ANKRD11: variants seen among roughly 807,000 people sequenced by gnomAD.
The protein encoded by ANKRD11 is ankyrin repeat domain-containing protein 11.
ANKRD11 carries 17 observed loss-of-function variants against 195.7 expected under a neutral mutation model. The ratio of observed to expected loss-of-function variants is 0.09; its 90% CI spans 0.06 to 0.13. The LOEUF (loss-of-function observed/expected upper bound fraction) is 0.13, where lower values mean the gene tolerates loss of function less well. Ranked by LOEUF, ANKRD11 falls within the 10% of genes least tolerant of loss-of-function variation. The probability of loss-of-function intolerance (pLI) is 1.00; values close to 1 mark genes in which losing one functional copy is unlikely to be tolerated. For synonymous variants in ANKRD11, 1,953 were observed against 1,528.1 expected (o/e 1.28, Z -6.49); for missense variants, 3,735 against 3,566.1 (o/e 1.05, Z -1.21).
chr16:89,403,220 T>C (rs1471502467), intron 2 of ANKRD11, among the ~76,000 whole-genome samples: 2 of 152,192 alleles, frequency 1.3e-5, no homozygotes, highest in Non-Finnish European at 2.9e-5. Flanking sequence ...CCCTCTCTTC[T>C]GCTTTACGGG....
chr16:89,466,674 T>C lies in ANKRD11; in HGVS notation c.-145+23571A>G, dbSNP rs78774916. Among the ~76,000 whole-genome samples, 1,218 of 152,186 alleles carry C rather than the reference T, an allele frequency of 8.0e-3. 14 individuals carry two copies. The highest frequency in any genetic ancestry group is 0.027 in the African/African-American group (1,122 of 41,512). On this transcript the variant is annotated intron_variant, in intron 1 of 12. Transcript: ENST00000301030. ...TGAGGTTAAAAGAAATAAACCAACATAGAATTGAAACAGGTGTTAAAATTA... is the reference window on the plus strand; with the variant it reads ...TGAGGTTAAAAGAAATAAACCAACACAGAATTGAAACAGGTGTTAAAATTA...
chr16:89,368,375 T>TG, intron 2 of ANKRD11, among the ~76,000 whole-genome samples: 1 of 46,950 alleles, frequency 2.1e-5, no homozygotes, highest in African/African-American at 7.7e-5. Context: ...TTTTGTGTTT[T>TG]TTTTTTTTTT....
chr16:89,331,107 C>A (rs2038042814), intron 2 of ANKRD11, among the ~76,000 whole-genome samples: 1 of 152,122 alleles, frequency 6.6e-6, no homozygotes. Flanking sequence ...GTGCCTGCCA[C>A]CATGCCCGGC....
chr16:89,338,682 G>A (rs536292748), intron 2 of ANKRD11, among the ~76,000 whole-genome samples: 3 of 121,352 alleles, frequency 2.5e-5, no homozygotes, highest in Non-Finnish European at 4.7e-5. Flanking sequence ...CCAAGATCAC[G>A]CCACTGCCCT....
At chr16:89,337,007 CAA>C (rs60248736) in intron 2 of ANKRD11, among the ~76,000 whole-genome samples, 10,014 of 46,844 alleles carry the variant, frequency 0.21, 537 homozygotes, top group Non-Finnish European at 0.28. Flanking sequence ...CTGGCTCTAC[CAA>C]AAAAAAAAAA....
intron 2 of ANKRD11, among the ~76,000 whole-genome samples, chr16:89,390,696 G>C (rs1222264998): frequency 1.3e-5 from 2 of 152,090 alleles, no homozygotes; most frequent in Admixed American, 6.6e-5. Flanking sequence ...GAAACAGTGA[G>C]CACACAGCCA....
chr16:89,415,687 G>A (rs920886017), intron 2 of ANKRD11, among the ~76,000 whole-genome samples: 1 of 151,304 alleles, frequency 6.6e-6, no homozygotes, highest in African/African-American at 2.4e-5. Flanking sequence ...AATCAGCTGG[G>A]TGTGGTGGTG....
intron 2 of ANKRD11, among the ~76,000 whole-genome samples, chr16:89,356,610 A>G (rs1372206876): frequency 6.7e-6 from 1 of 149,032 alleles, no homozygotes; most frequent in Non-Finnish European, 1.5e-5. Context: ...TCTCTACTAA[A>G]AATACAAAAA....
intron 1 of ANKRD11, among the ~76,000 whole-genome samples, chr16:89,465,787 T>C (rs1455790168): frequency 6.6e-6 from 1 of 152,166 alleles, no homozygotes; most frequent in Non-Finnish European, 1.5e-5. Context: ...CTCAGCTAAC[T>C]GCAAGCTCCA....
intron 1 of ANKRD11, among the ~76,000 whole-genome samples, chr16:89,484,828 A>G (rs2057551869): frequency 6.6e-6 from 1 of 152,222 alleles, no homozygotes; most frequent in South Asian, 2.1e-4. Context: ...CAACATTTTC[A>G]AATAATGAAC....
chr16:89,445,677 A>T (rs952670080), intron 1 of ANKRD11, among the ~76,000 whole-genome samples: 2 of 151,700 alleles, frequency 1.3e-5, no homozygotes, highest in African/African-American at 2.4e-5. Context: ...GTATTTTTTT[A>T]AAAAAACGAT....
chr16:89,299,508 G>A (rs12050970), intron 4 of ANKRD11: 1 of 186,754 alleles, frequency 5.4e-6, no homozygotes, highest in Non-Finnish European at 1.1e-5. Flanking sequence ...TGTGGGGTGC[G>A]TGGGGTCTGT....
chr16:89,452,475 G>A (rs923494179), intron 1 of ANKRD11, among the ~76,000 whole-genome samples: 5 of 152,076 alleles, frequency 3.3e-5, no homozygotes, highest in African/African-American at 1.2e-4. Context: ...AGAAACCACA[G>A]CGGGTGAGGA....
intron 2 of ANKRD11, among the ~76,000 whole-genome samples, chr16:89,369,056 TC>T (rs1209824409): frequency 6.6e-6 from 1 of 151,942 alleles, no homozygotes; most frequent in African/African-American, 2.4e-5. Context: ...CACCCATTCC[TC>T]CACAGCAAGC....
rs780584993 is a variant in ANKRD11 at position 89,282,798 on chromosome 16, G to A, written c.3744C>T (p.Ala1248=). The A allele has an allele frequency of 6.8e-6, 11 of 1,610,978 alleles. No homozygotes were observed. Among genetic ancestry groups the A allele is most frequent in the South Asian group, 2.2e-5 (2 of 91,016 alleles). ...TGTGTTTGCTTTTAGCCTTGTCTTC[G>A]GCAGCGTGCTTCTTTTCAGCCTTCT... ...LPEKAEKKHA[A]EDKAKSKHKE... is the part of the protein sequence containing the mutation. The change falls in exon 9 of 13, where the codon GCC becomes GCT. Residue 1248 remains alanine, a synonymous_variant. Coordinates refer to ENST00000301030, the MANE Select transcript of ANKRD11 (RefSeq NM_013275.6).
intron 1 of ANKRD11, among the ~76,000 whole-genome samples, chr16:89,448,011 G>A (rs2043883920): frequency 2.0e-5 from 3 of 151,678 alleles, no homozygotes; most frequent in African/African-American, 7.3e-5. Context: ...CACCATATTG[G>A]TCAGGCTGGT....
At position 89,284,981 on chromosome 16, in the gene ANKRD11, A is replaced by C. The variant is rs374072757; in HGVS notation, c.1561T>G (p.Ser521Ala). 14 of 1,613,798 alleles carry C rather than the reference A, an allele frequency of 8.7e-6. 1 individual carries two copies. Among genetic ancestry groups the C allele is most frequent in the African/African-American group, 4.0e-5 (3 of 74,860 alleles). Reference sequence around the variant, plus strand: ...GAGCTCCCGTGAGACGAGGTGGAGGAGGCAGAGAGGGAGCTGAACAGGGAG... The same window carrying C: ...GAGCTCCCGTGAGACGAGGTGGAGGCGGCAGAGAGGGAGCTGAACAGGGAG... ...DPSLFSSLSA[S>A]STSSHGSSAA... Residue 521 changes from serine (S) to alanine (A), a missense_variant, in exon 9 of 13, where the codon TCC (serine) becomes GCC (alanine). Coordinates refer to ENST00000301030, the MANE Select transcript of ANKRD11 (RefSeq NM_013275.6).
chr16:89,351,874 T>A (rs1765625841), intron 2 of ANKRD11, among the ~76,000 whole-genome samples: 2 of 152,210 alleles, frequency 1.3e-5, no homozygotes, highest in Non-Finnish European at 2.9e-5. Context: ...GCGCTTTATC[T>A]GGGTAAGCCT....
intron 2 of ANKRD11, among the ~76,000 whole-genome samples, chr16:89,335,048 C>T (rs962789514): frequency 1.3e-5 from 2 of 152,156 alleles, no homozygotes; most frequent in South Asian, 2.1e-4. Flanking sequence ...ATTTCCTCCA[C>T]GGATGTTATA....
Sources: allele counts gnomAD v4.1 joint callset (sites outside exome capture counted in the v4.1 genomes callset), GRCh38; gene constraint gnomAD v4.1.1; transcripts MANE v1.5; gene names NCBI Gene and HGNC (gene_info 2026-07-23, HGNC 2026-07-21).